The following CDH4 variants were observed in gnomAD, a reference collection of about 807,000 sequenced individuals.
CDH4 encodes cadherin 4.
A neutral mutation model predicts 86.0 loss-of-function variants in CDH4; 33 were observed. The ratio of observed to expected loss-of-function variants is 0.38; its 90% CI spans 0.29 to 0.51. The LOEUF (loss-of-function observed/expected upper bound fraction) is 0.51. Among genes scored for constraint, CDH4 ranks in the 20% least tolerant of loss-of-function variants. The probability of loss-of-function intolerance (pLI) is 0.86; values close to 1 mark genes in which losing one functional copy is unlikely to be tolerated. For synonymous variants in CDH4, 555 were observed against 549.4 expected, an observed-to-expected ratio of 1.01 and a Z score of -0.14; for missense variants, 1,114 against 1,307.4, an observed-to-expected ratio of 0.85 and a Z score of 2.28.
At chr20:61,263,598 C>T (rs1156662203) in intron 2 of CDH4, among the ~76,000 whole-genome samples, 1 of 152,224 alleles carries the variant, frequency 6.6e-6, no homozygotes, top group African/African-American at 2.4e-5. Context: ...TTATCTCCCA[C>T]ACTGCCTTTT....
intron 2 of CDH4, among the ~76,000 whole-genome samples, chr20:61,524,260 G>A (rs1028907626): frequency 1.7e-4 from 26 of 152,082 alleles, no homozygotes; most frequent in Non-Finnish European, 2.5e-4. Flanking sequence ...AGTCACTCTC[G>A]AGTCATTTAA....
chr20:61,595,036 G>T (rs535187536), intron 2 of CDH4, among the ~76,000 whole-genome samples: 1 of 152,224 alleles, frequency 6.6e-6, no homozygotes, highest in Admixed American at 6.5e-5. Context: ...GGGCACCCTG[G>T]TGCTGTCATT....
Position 61,501,204 on chromosome 20 carries a change from C to T in CDH4, c.170-242359C>T, listed in dbSNP as rs970734155. Among the ~76,000 whole-genome samples the T allele has an allele frequency of 6.6e-6, 1 of 152,186 alleles. No homozygotes were observed. The highest frequency in any genetic ancestry group is 1.5e-5 in the Non-Finnish European group (1 of 68,042). On this transcript the variant is annotated intron_variant, in intron 2 of 15. Coordinates refer to ENST00000614565, the MANE Select transcript of CDH4 (RefSeq NM_001794.5). The surrounding 1 kb of genome is among the most constrained non-coding windows in gnomAD (Gnocchi z 4.2). ...GGCTGGGGGAGGTGGCGCTGCCATC[C>T]GCCATCTCCAGTCTCCTTATCTGAT...
At chr20:61,931,428 G>A (rs774819862) in intron 13 of CDH4, among the ~76,000 whole-genome samples, 15 of 152,174 alleles carry the variant, frequency 9.9e-5, no homozygotes, top group Admixed American at 2.6e-4. Flanking sequence ...CCTCCACTCC[G>A]CTTCGGAATC....
chr20:61,505,439 T>C (rs2085733597), intron 2 of CDH4, among the ~76,000 whole-genome samples: 1 of 152,184 alleles, frequency 6.6e-6, no homozygotes, highest in African/African-American at 2.4e-5. Context: ...TGAGGGCGAC[T>C]CTCTTTTGTC....
At chr20:61,887,268 G>A (rs1241837087) in intron 7 of CDH4, among the ~76,000 whole-genome samples, 1 of 152,154 alleles carries the variant, frequency 6.6e-6, no homozygotes, top group Admixed American at 6.5e-5. Context: ...TGCTTCCGGG[G>A]GTCCCCTGGG....
At chr20:61,903,547 A>T (rs1327821991) in intron 8 of CDH4, among the ~76,000 whole-genome samples, 1 of 151,630 alleles carries the variant, frequency 6.6e-6, no homozygotes, top group African/African-American at 2.4e-5. Flanking sequence ...CCATAAAAAA[A>T]AAAAAAAAAA....
chr20:61,560,674 C>G (rs991176159), intron 2 of CDH4, among the ~76,000 whole-genome samples: 1 of 152,244 alleles, frequency 6.6e-6, no homozygotes, highest in Non-Finnish European at 1.5e-5. Context: ...CCACAGAGGC[C>G]TTGGAATGCT....
At chr20:61,841,339 G>A (rs2146096895) in intron 4 of CDH4, among the ~76,000 whole-genome samples, 1 of 152,332 alleles carries the variant, frequency 6.6e-6, no homozygotes, top group South Asian at 2.1e-4. Flanking sequence ...TGATCTCTTA[G>A]CTTTTCTCCC....
Position 61,725,431 on chromosome 20 carries a change from C to T in CDH4, c.170-18132C>T, listed in dbSNP as rs568697086. 4.7e-4 allele frequency among the ~76,000 whole-genome samples: 72 copies of T among 152,274 alleles called. 1 individual carries two copies. The highest frequency in any genetic ancestry group is 1.7e-3 in the African/African-American group (71 of 41,566). On this transcript the variant is annotated intron_variant, in intron 2 of 15. Coordinates refer to ENST00000614565, the MANE Select transcript of CDH4 (RefSeq NM_001794.5). ...TTCTTCCCCTGTGGCTTCGCGCTGCCTGGGAGCAGGGAGCACTGTTCCCAG... is the reference window on the plus strand; with the variant it reads ...TTCTTCCCCTGTGGCTTCGCGCTGCTTGGGAGCAGGGAGCACTGTTCCCAG...
intron 15 of CDH4, among the ~76,000 whole-genome samples, chr20:61,934,855 T>C (rs1341034517): frequency 6.6e-6 from 1 of 152,206 alleles, no homozygotes; most frequent in Non-Finnish European, 1.5e-5. Flanking sequence ...GGACTTGACT[T>C]GACCAACAAG....
chr20:61,317,801 G>A lies in CDH4; in HGVS notation c.169+62864G>A, dbSNP rs140050112. On this transcript the variant is annotated intron_variant, in intron 2 of 15. Transcript: ENST00000614565. ...GGCACTTCTGGGAAGCGTTTTTTCC[G>A]TGTGAATTTGTGGGTGTCCAGCCAG... is the stretch of plus-strand genomic sequence containing the variant. Among the ~76,000 whole-genome samples, 688 of 152,270 alleles carry A rather than the reference G, an allele frequency of 4.5e-3. 7 individuals carry two copies. Among genetic ancestry groups the A allele is most frequent in the African/African-American group, 0.015 (639 of 41,534 alleles).
intron 2 of CDH4, among the ~76,000 whole-genome samples, chr20:61,386,312 A>G (rs2084950418): frequency 6.6e-6 from 1 of 152,144 alleles, no homozygotes; most frequent in South Asian, 2.1e-4. Context: ...TGATGCTGAC[A>G]GTGCTGCCCA....
chr20:61,858,085 GTCTC>G (rs1600716555), intron 6 of CDH4, among the ~76,000 whole-genome samples: 1 of 118,110 alleles, frequency 8.5e-6, no homozygotes, highest in East Asian at 3.0e-4. Flanking sequence ...CTCTGTGTGT[GTCTC>G]TGTGTCTGTG....
At chr20:61,695,994 C>T (rs2087711388) in intron 2 of CDH4, among the ~76,000 whole-genome samples, 1 of 152,212 alleles carries the variant, frequency 6.6e-6, no homozygotes, top group Non-Finnish European at 1.5e-5. Context: ...CATGAGGCCC[C>T]TCCTCCTCCA....
intron 2 of CDH4, among the ~76,000 whole-genome samples, chr20:61,553,856 G>A (rs914200332): frequency 5.9e-5 from 9 of 152,206 alleles, no homozygotes; most frequent in African/African-American, 1.2e-4. Flanking sequence ...ATGGACAGCC[G>A]GGAGGCAAGT....
chr20:61,693,069 C>T (rs951569323), intron 2 of CDH4, among the ~76,000 whole-genome samples: 3 of 152,110 alleles, frequency 2.0e-5, no homozygotes, highest in South Asian at 2.1e-4. Flanking sequence ...TTGGGATCTA[C>T]GGGGACTCTG....
At chr20:61,888,639 G>C (rs1213720779) in intron 7 of CDH4, among the ~76,000 whole-genome samples, 1 of 152,230 alleles carries the variant, frequency 6.6e-6, no homozygotes, top group Non-Finnish European at 1.5e-5. Context: ...AGGTTGCCAA[G>C]AGCAGCCAGT....
intron 9 of CDH4, among the ~76,000 whole-genome samples, chr20:61,920,103 G>A (rs1351496710): frequency 2.6e-5 from 3 of 114,900 alleles, no homozygotes; most frequent in Non-Finnish European, 3.7e-5. Context: ...GAAGCATGTT[G>A]TGATTGGAAG....
Sources: allele counts gnomAD v4.1 joint callset (sites outside exome capture counted in the v4.1 genomes callset), GRCh38; gene constraint gnomAD v4.1.1; non-coding constraint Gnocchi (gnomAD v3.1); transcripts MANE v1.5; gene names NCBI Gene and HGNC (gene_info 2026-07-23, HGNC 2026-07-21).